The following INPP4B variants were observed in gnomAD, a reference collection of about 807,000 sequenced individuals.
INPP4B encodes the protein inositol polyphosphate 4-phosphatase type II.
In INPP4B, 55 loss-of-function variants were observed where a neutral mutation model predicts 122.5. The observed-to-expected ratio is 0.45, with a 90% CI of 0.36 to 0.56. The LOEUF (loss-of-function observed/expected upper bound fraction) is 0.56, where lower values mean the gene tolerates loss of function less well. INPP4B is among the 20% of genes least tolerant of loss of function. The pLI, the probability that INPP4B is intolerant of heterozygous loss-of-function variation, is 0.00. For missense variants in INPP4B, 1,000 were observed against 1,097.7 expected, an observed-to-expected ratio of 0.91 and a Z score of 1.26; for synonymous variants, 403 against 388.7, an observed-to-expected ratio of 1.04 and a Z score of -0.43.
chr4:142,074,089 T>C (rs1160534315), intron 25 of INPP4B, among the ~76,000 whole-genome samples: 1 of 152,048 alleles, frequency 6.6e-6, no homozygotes, highest in African/African-American at 2.4e-5. Context: ...TCCTGTCTTA[T>C]TCCACTGTGC....
In INPP4B at chr4:142,818,278, T is replaced by C. The variant is rs184037858; in HGVS notation, c.-254+27931A>G. 2.8e-3 allele frequency among the ~76,000 whole-genome samples: 432 copies of C among 152,250 alleles called. 3 individuals carry two copies. Among genetic ancestry groups the C allele is most frequent in the African/African-American group, 9.8e-3 (409 of 41,554 alleles). On this transcript the variant is annotated intron_variant, in intron 1 of 25. Coordinates refer to ENST00000262992, the MANE Select transcript of INPP4B (RefSeq NM_001101669.3). ...GATATCATTTAAACTTCAAAGACCA[T>C]CCATCACTCCTTCATTGAGAAATGC...
intron 17 of INPP4B, among the ~76,000 whole-genome samples, chr4:142,156,556 G>A (rs947945867): frequency 6.6e-6 from 1 of 152,048 alleles, no homozygotes; most frequent in African/African-American, 2.4e-5. Flanking sequence ...GGGTTTAATT[G>A]TTTACTAGCT....
At chr4:142,534,727 G>A (rs1827996841) in intron 2 of INPP4B, among the ~76,000 whole-genome samples, 1 of 151,148 alleles carries the variant, frequency 6.6e-6, no homozygotes, top group Admixed American at 6.6e-5. Context: ...ATGATGCAAA[G>A]TTTGGAGAGT....
At chr4:142,398,156 A>C (rs2149085809) in intron 7 of INPP4B, among the ~76,000 whole-genome samples, 1 of 151,454 alleles carries the variant, frequency 6.6e-6, no homozygotes, top group East Asian at 2.0e-4. Flanking sequence ...CCGGCGGATC[A>C]CGAGGTCAGG....
At chr4:142,583,102 A>G (rs987203363) in intron 2 of INPP4B, among the ~76,000 whole-genome samples, 2 of 152,168 alleles carry the variant, frequency 1.3e-5, no homozygotes, top group Admixed American at 1.3e-4. Context: ...AAAAATGGAT[A>G]TAAGAATAAC....
intron 8 of INPP4B, 73 bp downstream of exon 8, chr4:142,314,636 CAGG>C: frequency 7.5e-7 from 1 of 1,342,038 alleles, no homozygotes; most frequent in African/African-American, 1.5e-5. Flanking sequence ...AGTTACCAAG[CAGG>C]AGGCCAGAGA....
intron 2 of INPP4B, among the ~76,000 whole-genome samples, chr4:142,481,027 C>G (rs370404887): frequency 2.7e-5 from 4 of 149,596 alleles, no homozygotes; most frequent in African/African-American, 9.8e-5. Flanking sequence ...CCCAGCTACT[C>G]GGGAGGCTGA....
chr4:142,673,474 G>A (rs1196854767), intron 2 of INPP4B, among the ~76,000 whole-genome samples: 1 of 151,648 alleles, frequency 6.6e-6, no homozygotes, highest in African/African-American at 2.4e-5. Flanking sequence ...GCCACAAGGA[G>A]GTTGGGACAG....
At chr4:142,233,478 C>T (rs572293614) in intron 12 of INPP4B, among the ~76,000 whole-genome samples, 1 of 152,134 alleles carries the variant, frequency 6.6e-6, no homozygotes, top group East Asian at 1.9e-4. Flanking sequence ...GTGGTTCTTC[C>T]AGTTTGGATT....
chr4:142,813,244 G>T (rs1233474655), intron 1 of INPP4B, among the ~76,000 whole-genome samples: 1 of 152,136 alleles, frequency 6.6e-6, no homozygotes, highest in Non-Finnish European at 1.5e-5. Flanking sequence ...TGTCATTTCA[G>T]AGTAGAAACT....
intron 2 of INPP4B, among the ~76,000 whole-genome samples, chr4:142,676,933 C>T (rs950131747): frequency 3.9e-5 from 6 of 152,078 alleles, no homozygotes; most frequent in Admixed American, 2.6e-4. Context: ...TAGGCATGGG[C>T]GCAGACTTCA....
chr4:142,774,901 AGATTTC>A (rs1773624110), intron 1 of INPP4B, among the ~76,000 whole-genome samples: 1 of 152,014 alleles, frequency 6.6e-6, no homozygotes, highest in Admixed American at 6.6e-5. Context: ...TACTTTACTT[AGATTTC>A]CTTAGTTTTT....
chr4:142,419,740 T>C (rs1448862677), intron 5 of INPP4B, among the ~76,000 whole-genome samples: 2 of 152,102 alleles, frequency 1.3e-5, no homozygotes, highest in African/African-American at 4.8e-5. Flanking sequence ...CTCCATTAGG[T>C]CTCTTCATGT....
chr4:142,798,211 ATT>A (rs1777533868), intron 1 of INPP4B, among the ~76,000 whole-genome samples: 2 of 151,888 alleles, frequency 1.3e-5, no homozygotes, highest in African/African-American at 4.8e-5. Flanking sequence ...ATAGAAAACT[ATT>A]TTTACACATA....
At chr4:142,824,556 A>G (rs1219482313) in intron 1 of INPP4B, among the ~76,000 whole-genome samples, 4 of 152,140 alleles carry the variant, frequency 2.6e-5, no homozygotes, top group Non-Finnish European at 5.9e-5. Context: ...TCCAAGAGCT[A>G]TGGCTTTTCT....
At chr4:142,501,597 A>G (rs1375413525) in intron 2 of INPP4B, among the ~76,000 whole-genome samples, 1 of 152,088 alleles carries the variant, frequency 6.6e-6, no homozygotes, top group Non-Finnish European at 1.5e-5. Flanking sequence ...CAATGTATCT[A>G]ATATCCAAAT....
At chr4:142,799,251 A>G (rs1337676451) in intron 1 of INPP4B, among the ~76,000 whole-genome samples, 1 of 151,820 alleles carries the variant, frequency 6.6e-6, no homozygotes, top group Non-Finnish European at 1.5e-5. Flanking sequence ...TCTCCTCATT[A>G]CTTTCTAAAA....
chr4:142,164,911 T>C (rs957398732), intron 16 of INPP4B, among the ~76,000 whole-genome samples: 3 of 151,680 alleles, frequency 2.0e-5, no homozygotes, highest in African/African-American at 7.3e-5. Flanking sequence ...TGCTTCTCTT[T>C]CTTGATTGGC....
At chr4:142,440,026 A>G (rs1039493695) in intron 3 of INPP4B, among the ~76,000 whole-genome samples, 8 of 152,146 alleles carry the variant, frequency 5.3e-5, no homozygotes, top group Admixed American at 6.5e-5. Flanking sequence ...TCTGCTTTTT[A>G]ATAAAATAAC....
Sources: gnomAD v4.1 joint callset for allele counts (sites outside exome capture counted in the v4.1 genomes callset) on GRCh38, gnomAD v4.1.1 for gene constraint, MANE v1.5 for transcripts, NCBI Gene and HGNC (gene_info 2026-07-23, HGNC 2026-07-21) for gene names.